Variants in ANKRD27 observed in about 807,000 individuals in gnomAD.
ANKRD27 encodes ankyrin repeat domain-containing protein 27.
Under a neutral mutation model 129.7 loss-of-function variants are expected in ANKRD27, and 112 were observed. The observed-to-expected ratio is 0.86, with a 90% CI of 0.74 to 1.01. The LOEUF is 1.01. ANKRD27 is among the 50% of genes least tolerant of loss of function. ANKRD27 has a pLI of 0.00. For synonymous variants in ANKRD27, 516 were observed against 511.2 expected (o/e 1.01, Z -0.13); for missense variants, 1,258 against 1,300.5 (o/e 0.97, Z 0.50).
chr19:32,671,624 G>A (rs1194441967), intron 1 of ANKRD27, among the ~76,000 whole-genome samples: 3 of 152,176 alleles, frequency 2.0e-5, no homozygotes, highest in Admixed American at 6.5e-5. Flanking sequence ...GAACCTGGGA[G>A]GTGGAGGTTG....
chr19:32,652,205 G>A (rs549515531), intron 2 of ANKRD27, among the ~76,000 whole-genome samples: 42 of 152,340 alleles, frequency 2.8e-4, no homozygotes, highest in African/African-American at 9.1e-4. Context: ...GAGTTACTGC[G>A]TTGACCAGAA....
rs527720977 is a variant in ANKRD27 at position 32,645,009 on chromosome 19, C to T, written c.371-530G>A. ...CCTGTGCAACAGCAGCCCCGATCCA[C>T]ACCTCCTTAGCCCAGTGACTTTAAA... is the stretch of plus-strand genomic sequence containing the variant. On this transcript the variant is annotated intron_variant, in intron 4 of 28. Coordinates refer to ENST00000306065, the MANE Select transcript of ANKRD27 (RefSeq NM_032139.3). Among the ~76,000 whole-genome samples the T allele has an allele frequency of 6.3e-4, 96 of 152,336 alleles. 3 individuals carry two copies. The South Asian group carries it at 0.019, about 30-fold the overall frequency.
At position 32,628,637 on chromosome 19, in the gene ANKRD27, C is replaced by T; in HGVS notation, c.1337+85G>A. 4 of 1,547,828 alleles carry T rather than the reference C, an allele frequency of 2.6e-6. 1 individual carries two copies. The highest frequency in any genetic ancestry group is 2.3e-5 in the South Asian group (2 of 85,278). Reference sequence around the variant, plus strand: ...GGGCAGGGAGGACAGTCCTTATCTGCAGTCACACAGCGCACAGTGGAGAAG... The same window carrying T: ...GGGCAGGGAGGACAGTCCTTATCTGTAGTCACACAGCGCACAGTGGAGAAG... On this transcript the variant is annotated intron_variant, in intron 14 of 28. Transcript: ENST00000306065.
rs1971626599 is a variant in ANKRD27 at position 32,599,960 on chromosome 19, T to A, written c.2846+12A>T. 2 of 1,607,148 alleles carry A rather than the reference T, an allele frequency of 1.2e-6. No homozygotes were observed. The highest frequency in any genetic ancestry group is 1.7e-6 in the Non-Finnish European group (2 of 1,175,034). ...GCAAAAGCACAGAAATCAACTTGAG[T>A]TTCATACTCACTTAAACTGACCAGC... On this transcript the variant is annotated intron_variant, in intron 27 of 28. Transcript: ENST00000306065.
intron 4 of ANKRD27, among the ~76,000 whole-genome samples, chr19:32,646,253 A>T (rs1967300607): frequency 6.6e-6 from 1 of 151,772 alleles, no homozygotes; most frequent in African/African-American, 2.4e-5. Flanking sequence ...ATTTTTTTAT[A>T]GAGACAGGGT....
chr19:32,606,890 C>T (rs8106502), intron 23 of ANKRD27, among the ~76,000 whole-genome samples: 84,372 of 139,670 alleles, frequency 0.6, 25,873 homozygotes, highest in Non-Finnish European at 0.69. Flanking sequence ...ATCGCTTGAG[C>T]TCAGGAGTTC....
intron 12 of ANKRD27, among the ~76,000 whole-genome samples, chr19:32,637,086 G>A (rs549939828): frequency 3.3e-4 from 50 of 152,136 alleles, no homozygotes; most frequent in Non-Finnish European, 6.6e-4. Flanking sequence ...AAATATACAT[G>A]GGTAGGAAAA....
At position 32,626,398 on chromosome 19, in the gene ANKRD27, T is replaced by C. The variant is rs77888676; in HGVS notation, c.1536+314A>G. On this transcript the variant is annotated intron_variant, in intron 16 of 28. Coordinates refer to ENST00000306065, the MANE Select transcript of ANKRD27 (RefSeq NM_032139.3). ...TAGGTTGCTCAGGCTGGTCTTGAAC[T>C]CCTGGGCTCAAGCGATCCTCCTGCT... is the stretch of plus-strand genomic sequence containing the variant. Among the ~76,000 whole-genome samples the C allele has an allele frequency of 0.017, 2,604 of 152,274 alleles. 144 individuals are homozygous for C. The East Asian group carries it at 0.21, about 13-fold the overall frequency.
intron 11 of ANKRD27, 152 bp downstream of exon 11, chr19:32,640,155 G>A (rs562099811): frequency 1.8e-4 from 94 of 512,596 alleles, no homozygotes; most frequent in East Asian, 1.7e-3. Flanking sequence ...AGTAGAGACG[G>A]GGTTTCACCG....
Position 32,607,848 on chromosome 19 carries a change from G to T in ANKRD27, c.2176-16C>A. 1 of 1,593,168 alleles carries T rather than the reference G, an allele frequency of 6.3e-7. No individual in the cohort carries two copies. Among genetic ancestry groups the T allele is most frequent in the South Asian group, 1.1e-5 (1 of 88,128 alleles). ...TCGCCAGCCTCTGGGAAGCGCAGAA[G>T]ATGGAAACACAAACGTCATCAGTAT... is the stretch of plus-strand genomic sequence containing the variant. On this transcript the variant is annotated splice_polypyrimidine_tract_variant and intron_variant, in intron 22 of 28. Coordinates refer to ENST00000306065, the MANE Select transcript of ANKRD27 (RefSeq NM_032139.3).
rs757626430 is a variant in ANKRD27, at chr19:32,604,406, C to T, written c.2512G>A (p.Ala838Thr). Reference protein sequence around the residue: ...LLLQHGASINASNNKGNTALH... With the variant: ...LLLQHGASINTSNNKGNTALH... ...GCTGTGTTGCCCTTATTGTTAGAAG[C>T]GTTAATGGAGGCCCCGTGCTGGAAA... Residue 838 changes from alanine (A) to threonine (T), a missense_variant, in exon 25 of 29, where the codon GCT (alanine) becomes ACT (threonine). Coordinates refer to ENST00000306065, the MANE Select transcript of ANKRD27 (RefSeq NM_032139.3). 6 of 1,607,044 alleles carry T rather than the reference C, an allele frequency of 3.7e-6. No homozygotes were observed. Among genetic ancestry groups the T allele is most frequent in the South Asian group, 2.2e-5 (2 of 90,808 alleles).
At chr19:32,652,399 G>A (rs1834535691) in intron 2 of ANKRD27, among the ~76,000 whole-genome samples, 1 of 151,956 alleles carries the variant, frequency 6.6e-6, no homozygotes, top group East Asian at 1.9e-4. Flanking sequence ...AGACCAGCCT[G>A]GCCAATACGG....
intron 20 of ANKRD27, among the ~76,000 whole-genome samples, chr19:32,617,999 C>A (rs1971947901): frequency 6.6e-6 from 1 of 151,904 alleles, no homozygotes; most frequent in East Asian, 1.9e-4. Flanking sequence ...CTCAGGTGAT[C>A]CGCCCACCTC....
chr19:32,622,124 C>T (rs1350154761), intron 18 of ANKRD27, among the ~76,000 whole-genome samples: 3 of 152,196 alleles, frequency 2.0e-5, no homozygotes, highest in Non-Finnish European at 4.4e-5. Context: ...GTCCCTGCCC[C>T]TGCGGAGCCT....
intron 1 of ANKRD27, among the ~76,000 whole-genome samples, chr19:32,664,053 CT>C (rs1169886673): frequency 4.5e-5 from 2 of 44,008 alleles, no homozygotes; most frequent in African/African-American, 2.5e-4. Flanking sequence ...GAGACTCTGT[CT>C]CAAAAAAAAA....
At chr19:32,616,642 G>T (rs1257720335) in intron 21 of ANKRD27, among the ~76,000 whole-genome samples, 1 of 151,874 alleles carries the variant, frequency 6.6e-6, no homozygotes, top group Admixed American at 6.6e-5. Flanking sequence ...AAGGAAGGCT[G>T]TCTCCAATGT....
At chr19:32,639,298 C>T (rs749199289) in intron 12 of ANKRD27, 58 bp downstream of exon 12, 1 of 1,608,440 alleles carries the variant, frequency 6.2e-7, no homozygotes, top group South Asian at 1.1e-5. Context: ...ACCCCAGCAC[C>T]CTATCAAGGG....
rs758564943 is a variant in ANKRD27 at position 32,598,176 on chromosome 19, G to A, written c.3122C>T (p.Thr1041Ile). The change falls in exon 29 of 29, where the codon ACT (threonine) becomes ATT (isoleucine). Residue 1041 changes from threonine to isoleucine, a missense_variant. Transcript: ENST00000306065. ...QGPEAAGPLSTPQEVSASRS is the reference protein window; with the variant it reads ...QGPEAAGPLSIPQEVSASRS Reference sequence around the variant, plus strand: ...CCGGGAAGCACTAACCTCTTGGGGAGTGGAGAGGGGGCCAGCAGCCTCCGG... The same window carrying A: ...CCGGGAAGCACTAACCTCTTGGGGAATGGAGAGGGGGCCAGCAGCCTCCGG... The A allele has an allele frequency of 1.9e-6, 3 of 1,614,166 alleles. No individual in the cohort carries two copies. Among genetic ancestry groups the A allele is most frequent in the Non-Finnish European group, 2.5e-6 (3 of 1,180,030 alleles).
At chr19:32,609,290 A>G (rs142557258) in intron 22 of ANKRD27, among the ~76,000 whole-genome samples, 4 of 149,622 alleles carry the variant, frequency 2.7e-5, no homozygotes, top group African/African-American at 1.0e-4. Flanking sequence ...TGTTTACCCA[A>G]CAACGTATAT....
Sources: allele counts gnomAD v4.1 joint callset (sites outside exome capture counted in the v4.1 genomes callset), GRCh38; gene constraint gnomAD v4.1.1; transcripts MANE v1.5; gene names NCBI Gene and HGNC (gene_info 2026-07-23, HGNC 2026-07-21).